RASSF8: variants seen among roughly 807,000 people sequenced by gnomAD.
RASSF8 encodes ras association domain-containing protein 8.
In RASSF8, 22 loss-of-function variants were observed where a neutral mutation model predicts 48.5. That is an observed-to-expected ratio of 0.45 (90% CI 0.32 to 0.65). The LOEUF (loss-of-function observed/expected upper bound fraction) is 0.65, where lower values mean the gene tolerates loss of function less well. Ranked by LOEUF, RASSF8 falls within the 30% of genes least tolerant of loss-of-function variation. RASSF8 has a pLI of 0.03. For missense variants in RASSF8, 418 were observed against 489.2 expected, an observed-to-expected ratio of 0.85 and a Z score of 1.37; for synonymous variants, 127 against 171.5, an observed-to-expected ratio of 0.74 and a Z score of 2.03.
chr12:26,009,651 AC>A (rs1290415507), intron 2 of RASSF8, among the ~76,000 whole-genome samples: 1 of 152,120 alleles, frequency 6.6e-6, no homozygotes, highest in Non-Finnish European at 1.5e-5. Context: ...CTGAGAAGGA[AC>A]CCCAGTAAAG....
chr12:25,977,671 CA>C (rs111553798), intron 1 of RASSF8, among the ~76,000 whole-genome samples: 1,974 of 139,892 alleles, frequency 0.014, 29 homozygotes, highest in African/African-American at 0.042. Flanking sequence ...ATTTGTAAGG[CA>C]AAAAAAAAAA....
chr12:25,987,325 A>G (rs758312914), intron 1 of RASSF8, among the ~76,000 whole-genome samples: 1 of 152,200 alleles, frequency 6.6e-6, no homozygotes, highest in Non-Finnish European at 1.5e-5. Flanking sequence ...CTTGTGAGCT[A>G]TGCGGTCATG....
intron 2 of RASSF8, among the ~76,000 whole-genome samples, chr12:25,995,724 G>T (rs1195524064): frequency 2.6e-5 from 4 of 152,092 alleles, no homozygotes; most frequent in Non-Finnish European, 4.4e-5. Context: ...TAGTATGCTT[G>T]CTGTATATCA....
intron 1 of RASSF8, among the ~76,000 whole-genome samples, chr12:25,979,796 T>C (rs1565602447): frequency 6.6e-6 from 1 of 152,122 alleles, no homozygotes; most frequent in Non-Finnish European, 1.5e-5. Flanking sequence ...CTGTTGGTGC[T>C]GTGTAAGTGT....
Position 26,071,198 on chromosome 12 carries a change from G to A in RASSF8, c.*2380G>A, listed in dbSNP as rs78688926. 336 of 979,436 alleles carry A rather than the reference G, an allele frequency of 3.4e-4. No homozygotes were observed. In the African/African-American group the frequency reaches 5.0e-3, roughly 15 times the overall value. 60.7% of individuals were successfully genotyped at this position (979,436 alleles called of 1,614,324 possible). A position where few individuals can be genotyped will look rare whatever the true frequency, so the allele number is the denominator to read the frequency against. ...CTAAGACTCAGAGGGAAAAAAACTC[G>A]TTTTCATAGGATCATCTGAAGATAC... On this transcript the variant is annotated 3_prime_UTR_variant, in exon 6 of 6. Coordinates refer to ENST00000689635, the MANE Select transcript of RASSF8 (RefSeq NM_001394098.1).
At chr12:26,020,802 T>TTAA (rs1942770011) in intron 2 of RASSF8, among the ~76,000 whole-genome samples, 1 of 152,220 alleles carries the variant, frequency 6.6e-6, no homozygotes, top group African/African-American at 2.4e-5. Context: ...AATTTTCCTT[T>TTAA]GTTTAAACCT....
Position 26,069,397 on chromosome 12 carries a change from C to CTA in RASSF8, c.*579_*580insTA. On this transcript the variant is annotated 3_prime_UTR_variant, in exon 6 of 6. Coordinates refer to ENST00000689635, the MANE Select transcript of RASSF8 (RefSeq NM_001394098.1). ...ATTTGTTTTGTGAAACTGTCCTAGC[C>CTA]ATTGCTTAATTAGGTGAAATAATTC... 2 of 985,070 alleles carry CTA rather than the reference C, an allele frequency of 2.0e-6. No individual in the cohort carries two copies. The highest frequency in any genetic ancestry group is 2.4e-6 in the Non-Finnish European group (2 of 829,588). 61.0% of individuals were successfully genotyped at this position (985,070 alleles called of 1,614,324 possible).
At chr12:26,005,337 G>T (rs1942364908) in intron 2 of RASSF8, among the ~76,000 whole-genome samples, 1 of 152,106 alleles carries the variant, frequency 6.6e-6, no homozygotes, top group African/African-American at 2.4e-5. Context: ...CTTTCATTTG[G>T]CTGAGTTTGT....
intron 3 of RASSF8, among the ~76,000 whole-genome samples, chr12:26,062,601 AC>A (rs1219001980): frequency 6.6e-6 from 1 of 152,180 alleles, no homozygotes; most frequent in Non-Finnish European, 1.5e-5. Context: ...TTGAACCCAG[AC>A]CTTTCTACTC....
intron 2 of RASSF8, among the ~76,000 whole-genome samples, chr12:25,995,859 T>C (rs1942120296): frequency 1.3e-5 from 2 of 151,912 alleles, no homozygotes; most frequent in South Asian, 4.1e-4. Context: ...ATAAACTCTG[T>C]AAGGGCACCA....
In RASSF8 at chr12:26,065,072, G is replaced by T; in HGVS notation, c.678G>T (p.Trp226Cys). 6.2e-7 allele frequency: 1 copy of T among 1,613,882 alleles called. No individual in the cohort carries two copies. Among genetic ancestry groups the T allele is most frequent in the Non-Finnish European group, 8.5e-7 (1 of 1,179,868 alleles). ...TAGAAATTGAGGAGGAAGAATTCTG[G>T]GAAAATGAATTACAGATTGAACAGG... ...NDVEIEEEEF[W>C]ENELQIEQEN... Residue 226 changes from tryptophan (W) to cysteine (C), a missense_variant, in exon 4 of 6, where the codon TGG becomes TGT. By Grantham distance (215) the Trp-to-Cys change is radical (BLOSUM62 -2). Transcript: ENST00000689635.
chr12:25,967,536 A>C (rs1262804980), intron 1 of RASSF8, among the ~76,000 whole-genome samples: 1 of 152,004 alleles, frequency 6.6e-6, no homozygotes, highest in Non-Finnish European at 1.5e-5. Flanking sequence ...AAGAGTGCCC[A>C]CTTAAGTTAA....
At chr12:26,009,445 G>C (rs754807778) in intron 2 of RASSF8, among the ~76,000 whole-genome samples, 1 of 152,294 alleles carries the variant, frequency 6.6e-6, no homozygotes, top group Middle Eastern at 3.4e-3. Context: ...GTGGATGGGT[G>C]GTGGCGGAGA....
intron 2 of RASSF8, among the ~76,000 whole-genome samples, chr12:26,045,302 A>G (rs1406695121): frequency 6.6e-6 from 1 of 152,202 alleles, no homozygotes; most frequent in Non-Finnish European, 1.5e-5. Context: ...AAGTATAGTA[A>G]AGAAATTTTA....
chr12:26,013,480 A>G (rs1019031439), intron 2 of RASSF8, among the ~76,000 whole-genome samples: 4 of 152,202 alleles, frequency 2.6e-5, no homozygotes, highest in African/African-American at 9.7e-5. Flanking sequence ...GTGTCCTTCT[A>G]GTTTTACTAT....
Position 26,069,738 on chromosome 12 carries a change from A to G in RASSF8, c.*920A>G, listed in dbSNP as rs1282520288. 2 of 985,212 alleles carry G rather than the reference A, an allele frequency of 2.0e-6. No homozygotes were observed. Among genetic ancestry groups the G allele is most frequent in the African/African-American group, 1.7e-5 (1 of 57,238 alleles). 61.0% of individuals were successfully genotyped at this position (985,212 alleles called of 1,614,324 possible). A position where few individuals can be genotyped will look rare whatever the true frequency, so the allele number is the denominator to read the frequency against. On this transcript the variant is annotated 3_prime_UTR_variant, in exon 6 of 6. Transcript: ENST00000689635. ...TACTTCAGGAACATTGCTTTAAGTG[A>G]TGTATTTTAAAATAACCCGCTTCAT...
intron 5 of RASSF8, among the ~76,000 whole-genome samples, chr12:26,078,245 A>G (rs12579157): frequency 0.064 from 9,735 of 152,314 alleles, 803 homozygotes; most frequent in East Asian, 0.29. Flanking sequence ...TTCAATTGTG[A>G]TTAGAATTAA....
intron 2 of RASSF8, among the ~76,000 whole-genome samples, chr12:26,006,082 G>A (rs572518596): frequency 1.3e-5 from 2 of 152,150 alleles, no homozygotes; most frequent in South Asian, 4.2e-4. Flanking sequence ...CACACACCCT[G>A]CTTAGTAGAC....
chr12:26,054,881 T>A (rs1028160874), intron 2 of RASSF8, among the ~76,000 whole-genome samples: 1 of 152,146 alleles, frequency 6.6e-6, no homozygotes, highest in East Asian at 1.9e-4. Flanking sequence ...ATGACAAACT[T>A]TTTTTCTTTA....
Sources: allele counts gnomAD v4.1 joint callset (sites outside exome capture counted in the v4.1 genomes callset), GRCh38; gene constraint gnomAD v4.1.1; transcripts MANE v1.5; gene names NCBI Gene and HGNC (gene_info 2026-07-23, HGNC 2026-07-21).